The following CTNNA3 variants were observed in gnomAD, a reference collection of about 807,000 sequenced individuals.
The protein encoded by CTNNA3 is catenin alpha 3, also known as catenin alpha-3.
Under a neutral mutation model 95.7 loss-of-function variants are expected in CTNNA3, and 76 were observed. The ratio of observed to expected loss-of-function variants is 0.79; its 90% CI spans 0.66 to 0.96. The LOEUF (loss-of-function observed/expected upper bound fraction) is 0.96. CTNNA3 is among the 40% of genes least tolerant of loss of function. The pLI is 0.00. For synonymous variants in CTNNA3, 431 were observed against 374.4 expected (o/e 1.15, Z -1.74); for missense variants, 1,191 against 1,089.8 (o/e 1.09, Z -1.31).
At chr10:66,415,611 C>T (rs1278947893) in intron 11 of CTNNA3, among the ~76,000 whole-genome samples, 1 of 152,146 alleles carries the variant, frequency 6.6e-6, no homozygotes, top group Non-Finnish European at 1.5e-5. Flanking sequence ...ACTCTCAGCC[C>T]ACTGCTGCAA....
intron 7 of CTNNA3, among the ~76,000 whole-genome samples, chr10:66,798,669 C>G (rs1293002151): frequency 6.6e-6 from 1 of 151,460 alleles, no homozygotes; most frequent in Non-Finnish European, 1.5e-5. Flanking sequence ...AGTTGAGGTG[C>G]ATACAGGTAA....
At chr10:66,920,537 G>T (rs1846735433) in intron 7 of CTNNA3, among the ~76,000 whole-genome samples, 1 of 152,148 alleles carries the variant, frequency 6.6e-6, no homozygotes, top group Non-Finnish European at 1.5e-5. Flanking sequence ...ATTTGCTATT[G>T]TTTGGGGGCT....
intron 7 of CTNNA3, among the ~76,000 whole-genome samples, chr10:66,921,662 G>A (rs970470023): frequency 5.3e-5 from 8 of 152,276 alleles, no homozygotes; most frequent in African/African-American, 1.4e-4. Flanking sequence ...GCTCAGGCCA[G>A]TTTCTTAATG....
At chr10:67,175,071 C>CAA (rs11453660) in intron 7 of CTNNA3, among the ~76,000 whole-genome samples, 2,027 of 66,162 alleles carry the variant, frequency 0.031, 37 homozygotes, top group Non-Finnish European at 0.036. Context: ...CAGTCCATGC[C>CAA]AAAAAAAAAA....
At chr10:66,057,654 T>C (rs535464958) in intron 15 of CTNNA3, among the ~76,000 whole-genome samples, 111 of 152,250 alleles carry the variant, frequency 7.3e-4, no homozygotes, top group African/African-American at 2.5e-3. Flanking sequence ...AGGGAGAATA[T>C]TTATGGGAAA....
chr10:67,336,931 C>G (rs1290897342), intron 5 of CTNNA3, among the ~76,000 whole-genome samples: 1 of 152,126 alleles, frequency 6.6e-6, no homozygotes, highest in Non-Finnish European at 1.5e-5. Flanking sequence ...AGTTCTTTGA[C>G]AATGCACCTG....
intron 9 of CTNNA3, among the ~76,000 whole-genome samples, chr10:66,728,140 G>C (rs530263171): frequency 6.6e-6 from 1 of 152,242 alleles, no homozygotes; most frequent in African/African-American, 2.4e-5. Context: ...TTCATTACTA[G>C]TAACAGATGT....
intron 13 of CTNNA3, among the ~76,000 whole-genome samples, chr10:66,143,562 C>A (rs1165001888): frequency 6.6e-6 from 1 of 152,180 alleles, no homozygotes; most frequent in Non-Finnish European, 1.5e-5. Context: ...AAAGCTACCA[C>A]AAATCAAATT....
intron 3 of CTNNA3, among the ~76,000 whole-genome samples, chr10:67,581,432 T>G (rs1842392009): frequency 6.6e-6 from 1 of 152,210 alleles, no homozygotes; most frequent in Non-Finnish European, 1.5e-5. Flanking sequence ...GTGGATAAGC[T>G]TTTTGATGTG....
intron 14 of CTNNA3, among the ~76,000 whole-genome samples, chr10:66,074,642 A>T (rs921211999): frequency 6.6e-6 from 1 of 151,818 alleles, no homozygotes; most frequent in Non-Finnish European, 1.5e-5. Context: ...AGTGTGTGTA[A>T]TTATTCTCTC....
At chr10:66,213,222 T>G (rs936479749) in intron 13 of CTNNA3, among the ~76,000 whole-genome samples, 2 of 152,176 alleles carry the variant, frequency 1.3e-5, no homozygotes, top group Non-Finnish European at 2.9e-5. Context: ...GAGATTACAT[T>G]TAAATGGGCA....
intron 5 of CTNNA3, among the ~76,000 whole-genome samples, chr10:67,330,936 C>A (rs900827352): frequency 1.3e-5 from 2 of 152,116 alleles, no homozygotes; most frequent in Non-Finnish European, 2.9e-5. Context: ...ATCCTGTGGA[C>A]AAAATGGTGG....
At chr10:67,307,592 G>C (rs1403126083) in intron 5 of CTNNA3, among the ~76,000 whole-genome samples, 1 of 152,096 alleles carries the variant, frequency 6.6e-6, no homozygotes, top group Non-Finnish European at 1.5e-5. Context: ...TTTCATGAAG[G>C]AAAACATCAT....
At chr10:67,390,232 G>A (rs887597397) in intron 5 of CTNNA3, among the ~76,000 whole-genome samples, 5 of 152,044 alleles carry the variant, frequency 3.3e-5, no homozygotes, top group East Asian at 1.9e-4. Flanking sequence ...TATCACCACC[G>A]ATCCCACAGA....
At chr10:66,409,621 A>T (rs916677667) in intron 11 of CTNNA3, among the ~76,000 whole-genome samples, 7 of 152,180 alleles carry the variant, frequency 4.6e-5, no homozygotes, top group Non-Finnish European at 8.8e-5. Flanking sequence ...AACTCAACGG[A>T]TATACTCTGA....
chr10:66,858,895 T>C (rs1344399172), intron 7 of CTNNA3, among the ~76,000 whole-genome samples: 1 of 152,042 alleles, frequency 6.6e-6, no homozygotes, highest in Non-Finnish European at 1.5e-5. Flanking sequence ...AGTTCAGCTC[T>C]GATTTTGCTT....
intron 7 of CTNNA3, among the ~76,000 whole-genome samples, chr10:66,843,015 C>T (rs1843119243): frequency 6.6e-6 from 1 of 152,148 alleles, no homozygotes; most frequent in Non-Finnish European, 1.5e-5. Context: ...ACTTCTCTCC[C>T]AGACTAAACA....
intron 15 of CTNNA3, among the ~76,000 whole-genome samples, chr10:66,035,690 T>TG (rs1044499947): frequency 5.9e-5 from 9 of 152,128 alleles, no homozygotes; most frequent in African/African-American, 1.9e-4. Context: ...TCTTTTACTT[T>TG]GGGGGGGTTT....
At chr10:67,097,253 C>A (rs1021827612) in intron 7 of CTNNA3, among the ~76,000 whole-genome samples, 1 of 151,890 alleles carries the variant, frequency 6.6e-6, no homozygotes, top group African/African-American at 2.4e-5. Flanking sequence ...TAGTGTTTAT[C>A]AGTTCTAAAA....
Sources: allele counts gnomAD v4.1 joint callset (sites outside exome capture counted in the v4.1 genomes callset), GRCh38; gene constraint gnomAD v4.1.1; transcripts MANE v1.5; gene names NCBI Gene and HGNC (gene_info 2026-07-23, HGNC 2026-07-21).